PREX1: variants seen among roughly 807,000 people sequenced by gnomAD.
PREX1 encodes phosphatidylinositol-3,4,5-trisphosphate dependent Rac exchange factor 1.
A neutral mutation model predicts 198.3 loss-of-function variants in PREX1; 41 were observed. That is an observed-to-expected ratio of 0.21 (90% confidence interval 0.16 to 0.27). The LOEUF is 0.27. Among genes scored for constraint, PREX1 ranks in the 10% least tolerant of loss-of-function variants. The probability of loss-of-function intolerance (pLI) is 1.00; values close to 1 mark genes in which losing one functional copy is unlikely to be tolerated. For synonymous variants in PREX1, 843 were observed against 887.2 expected (o/e 0.95, Z 0.89); for missense variants, 1,620 against 2,200.7 (o/e 0.74, Z 5.28).
At chr20:48,677,779 G>A (rs550935047) in intron 13 of PREX1, among the ~76,000 whole-genome samples, 2 of 151,884 alleles carry the variant, frequency 1.3e-5, no homozygotes, top group East Asian at 3.9e-4. Context: ...GAGATCAGGA[G>A]TTTTGAGACC....
chr20:48,760,445 C>G (rs999108617), intron 1 of PREX1, among the ~76,000 whole-genome samples: 4 of 152,056 alleles, frequency 2.6e-5, no homozygotes, highest in Admixed American at 2.0e-4. Context: ...CCAGCGCACC[C>G]CTCTGCCCTG....
chr20:48,745,270 C>T (rs1258451745), intron 2 of PREX1, 123 bp from the exon 3 acceptor site: 14 of 1,045,684 alleles, frequency 1.3e-5, no homozygotes, highest in Non-Finnish European at 1.8e-5. Flanking sequence ...TCTCAAACAC[C>T]GGAACTGGTT....
At chr20:48,860,302 T>C in the PREX1 span, among the ~76,000 whole-genome samples, 1 of 152,036 alleles carries the variant, frequency 6.6e-6, no homozygotes, top group South Asian at 2.1e-4. Context: ...ACAATTACAC[T>C]GAGATGAGGT....
chr20:48,864,808 T>C, the PREX1 span, among the ~76,000 whole-genome samples: 1 of 152,210 alleles, frequency 6.6e-6, no homozygotes, highest in East Asian at 1.9e-4. Context: ...GTTCTTCCAG[T>C]TGCTTAGCTG....
At chr20:48,650,852 C>A in intron 23 of PREX1, 42 bp downstream of exon 23, 1 of 1,607,364 alleles carries the variant, frequency 6.2e-7, no homozygotes, top group South Asian at 1.1e-5. Context: ...GATGCTATGT[C>A]TGGGACCTGT....
At chr20:48,636,704 G>A in intron 31 of PREX1, 21 bp from the exon 32 acceptor site, 2 of 1,575,014 alleles carry the variant, frequency 1.3e-6, no homozygotes, top group Non-Finnish European at 1.7e-6. Context: ...AGGGCAGGAG[G>A]CCTTGCTGGA....
Position 48,684,665 on chromosome 20 carries a change from C to A in PREX1, c.1335-3330G>T, listed in dbSNP as rs1601074900. 6.6e-6 allele frequency among the ~76,000 whole-genome samples: 1 copy of A among 152,234 alleles called. No homozygotes were observed. Among genetic ancestry groups the A allele is most frequent in the East Asian group, 1.9e-4 (1 of 5,194 alleles). ...CGACAGCTCCACCAATGCCCTCGAT[C>A]TGGATCCTCATCTCACTCCACTACC... On this transcript the variant is annotated intron_variant, in intron 10 of 39. Transcript: ENST00000371941. The surrounding 1 kb of genome is among the most constrained non-coding windows in gnomAD (Gnocchi z 4.2).
Position 48,806,654 on chromosome 20 carries a change from G to C in PREX1, c.219+20988C>G, listed in dbSNP as rs6012535. 3.9e-5 allele frequency among the ~76,000 whole-genome samples: 6 copies of C among 152,226 alleles called. No individual in the cohort carries two copies. In the East Asian group the frequency reaches 1.2e-3, roughly 29 times the overall value. On this transcript the variant is annotated intron_variant, in intron 1 of 39. Transcript: ENST00000371941. ...TGACTTGCCCCAGGTCACACTCCCA[G>C]TAAGAGGAGGAGCCGGGACTGAAAG... is the stretch of plus-strand genomic sequence containing the variant.
chr20:48,657,144 C>T lies in PREX1; in HGVS notation c.2019G>A (p.Glu673=). ...QVGRKIYSIN[E]DLVFLRPFSE... The stretch of plus-strand genomic sequence containing the variant: ...AAAACGGCCGCAGGAACACCAGGTC[C>T]TCATTGATGGAGTAGATCTTCCTCC... The change falls in exon 18 of 40, where the codon GAG becomes GAA. Residue 673 remains glutamate (E), a synonymous_variant. Coordinates refer to ENST00000371941, the MANE Select transcript of PREX1 (RefSeq NM_020820.4). 1 of 1,613,480 alleles carries T rather than the reference C, an allele frequency of 6.2e-7. No homozygotes were observed. The highest frequency in any genetic ancestry group is 8.5e-7 in the Non-Finnish European group (1 of 1,179,796).
At chr20:48,704,731 T>C (rs1483800788) in intron 6 of PREX1, among the ~76,000 whole-genome samples, 1 of 152,196 alleles carries the variant, frequency 6.6e-6, no homozygotes, top group African/African-American at 2.4e-5. Context: ...AATTTTTGTA[T>C]GTTTAATAGA....
At chr20:48,804,960 T>A (rs2090405249) in intron 1 of PREX1, among the ~76,000 whole-genome samples, 1 of 152,068 alleles carries the variant, frequency 6.6e-6, no homozygotes, top group Admixed American at 6.6e-5. Context: ...CGGGTCATCA[T>A]CTAGAGGTCG....
chr20:48,763,241 G>A (rs867203613), intron 1 of PREX1, among the ~76,000 whole-genome samples: 7 of 152,388 alleles, frequency 4.6e-5, no homozygotes, highest in Middle Eastern at 3.4e-3. Flanking sequence ...AGCACTGTAC[G>A]AACTGTAGCC....
the PREX1 span, among the ~76,000 whole-genome samples, chr20:48,833,105 A>G: frequency 1.3e-5 from 2 of 152,202 alleles, no homozygotes; most frequent in Non-Finnish European, 1.5e-5. Context: ...GGGGTCAGTA[A>G]GAGCTTCTAC....
intron 1 of PREX1, among the ~76,000 whole-genome samples, chr20:48,758,073 T>TTGGGAGG (rs1368532855): frequency 2.5e-4 from 38 of 151,816 alleles, no homozygotes; most frequent in Non-Finnish European, 5.2e-4. Flanking sequence ...AGTAGTTTCT[T>TTGGGAGG]TGGGAGGTGG....
intron 1 of PREX1, among the ~76,000 whole-genome samples, chr20:48,805,740 G>T (rs180970364): frequency 1.1e-3 from 160 of 152,264 alleles, no homozygotes; most frequent in Non-Finnish European, 1.7e-3. Flanking sequence ...AGACACCAGG[G>T]ATGGGGCATC....
intron 1 of PREX1, among the ~76,000 whole-genome samples, chr20:48,817,934 A>G (rs2090465842): frequency 6.6e-6 from 1 of 152,182 alleles, no homozygotes; most frequent in Non-Finnish European, 1.5e-5. Flanking sequence ...ACAATAAGTA[A>G]TAAATAAGTA....
chr20:48,689,023 G>A (rs2089802059), intron 9 of PREX1, among the ~76,000 whole-genome samples: 1 of 152,188 alleles, frequency 6.6e-6, no homozygotes, highest in African/African-American at 2.4e-5. Flanking sequence ...TTTACAGATG[G>A]CAAAGTTGAG....
Position 48,637,717 on chromosome 20 carries a change from A to G in PREX1, c.3940T>C (p.Cys1314Arg). Residue 1314 changes from cysteine (C) to arginine (R), a missense_variant, in exon 31 of 40, where the codon TGC becomes CGC. Coordinates refer to ENST00000371941, the MANE Select transcript of PREX1 (RefSeq NM_020820.4). ...ACACCTTTAAAGGCCTCACCTGTGCACTTCAGCAAGGCCAGGAGCAGCTGG... is the reference window on the plus strand; with the variant it reads ...ACACCTTTAAAGGCCTCACCTGTGCGCTTCAGCAAGGCCAGGAGCAGCTGG... ...KNQLLLALLK[C>R]TDTELQLRRD... 6.2e-7 allele frequency: 1 copy of G among 1,611,736 alleles called. No homozygotes were observed. The highest frequency in any genetic ancestry group is 8.5e-7 in the Non-Finnish European group (1 of 1,179,240).
chr20:48,666,599 T>C lies in PREX1; in HGVS notation c.1666-244A>G, dbSNP rs41304399. 0.18 allele frequency among the ~76,000 whole-genome samples: 26,696 copies of C among 152,140 alleles called. 2,461 individuals carry two copies. The highest frequency in any genetic ancestry group is 0.3 in the Middle Eastern group (87 of 294). ...GGAGTGCAGTGGCACGATCTCGGCT[T>C]ACTGCAAGCTCCACCTCCTGGGTTC... On this transcript the variant is annotated intron_variant, in intron 14 of 39. Transcript: ENST00000371941. This position sits in a 1 kb window ranked among gnomAD's most constrained non-coding sequence, Gnocchi z 4.3.
Sources: allele counts gnomAD v4.1 joint callset (sites outside exome capture counted in the v4.1 genomes callset), GRCh38; gene constraint gnomAD v4.1.1; non-coding constraint Gnocchi (gnomAD v3.1); transcripts MANE v1.5; gene names NCBI Gene and HGNC (gene_info 2026-07-23, HGNC 2026-07-21).